The following IDE variants were observed in gnomAD, a reference collection of about 807,000 sequenced individuals.
IDE encodes the protein insulin-degrading enzyme.
Under a neutral mutation model 133.2 loss-of-function variants are expected in IDE, and 58 were observed. That is an observed-to-expected ratio of 0.44 (90% CI 0.35 to 0.54). The LOEUF is 0.54. Among genes scored for constraint, IDE ranks in the 20% least tolerant of loss-of-function variants. IDE has a pLI of 0.00. For synonymous variants in IDE, 396 were observed against 421.3 expected, an observed-to-expected ratio of 0.94 and a Z score of 0.73; for missense variants, 981 against 1,234.0, an observed-to-expected ratio of 0.79 and a Z score of 3.07.
At chr10:92,464,985 TATA>T (rs1184784815) in intron 20 of IDE, among the ~76,000 whole-genome samples, 21 of 152,216 alleles carry the variant, frequency 1.4e-4, no homozygotes, top group African/African-American at 4.8e-4. Context: ...TTTGAGCTCT[TATA>T]ATAACATTTA....
intron 8 of IDE, among the ~76,000 whole-genome samples, 179 bp from the exon 9 acceptor site, chr10:92,507,845 T>C (rs554299974): frequency 5.3e-5 from 8 of 152,120 alleles, no homozygotes; most frequent in Non-Finnish European, 1.0e-4. Context: ...CTCAGAGATA[T>C]GTGACAGAAA....
intron 2 of IDE, among the ~76,000 whole-genome samples, chr10:92,535,254 C>T (rs796341983): frequency 1.8e-4 from 28 of 152,330 alleles, no homozygotes; most frequent in African/African-American, 6.7e-4. Context: ...CAGGCGCCCA[C>T]CACCGCGCCC....
chr10:92,497,745 CT>C, intron 11 of IDE: 1 of 979,346 alleles, frequency 1.0e-6, no homozygotes, highest in Non-Finnish European at 1.2e-6. Flanking sequence ...TATCACTGAC[CT>C]ACTACAGTTA....
At chr10:92,479,620 TGTGTGTGTGCATGCGTGC>T in intron 14 of IDE, 199 bp from the exon 15 acceptor site, 1 of 525,128 alleles carries the variant, frequency 1.9e-6, no homozygotes, top group Non-Finnish European at 3.4e-6. Context: ...AGTGTGTGTG[TGTGTGTGTGCATGCGTGC>T]GTGTGTGCGT....
Position 92,534,569 on chromosome 10 carries a change from C to A in IDE, c.491+9G>T, listed in dbSNP as rs1422210231. On this transcript the variant is annotated intron_variant, in intron 3 of 24. Coordinates refer to ENST00000265986, the MANE Select transcript of IDE (RefSeq NM_004969.4). ...AAAGTTGGATAATTCATAGGGTATT[C>A]TGCATTACCTGTCTAGGGCACCTTC... The A allele has an allele frequency of 3.2e-6, 5 of 1,549,236 alleles. No individual in the cohort carries two copies. Among genetic ancestry groups the A allele is most frequent in the Non-Finnish European group, 4.5e-6 (5 of 1,122,156 alleles).
chr10:92,572,155 T>C (rs1032770556), intron 1 of IDE, among the ~76,000 whole-genome samples: 1 of 152,202 alleles, frequency 6.6e-6, no homozygotes, highest in Non-Finnish European at 1.5e-5. Flanking sequence ...AACTAGAACA[T>C]ACAAACCACT....
At chr10:92,508,290 A>G in intron 7 of IDE, 85 bp from the exon 8 acceptor site, 2 of 1,002,962 alleles carry the variant, frequency 2.0e-6, no homozygotes, top group Admixed American at 2.1e-5. Context: ...TTCATACTGT[A>G]TGTTCCTAAG....
chr10:92,526,027 A>T (rs1435042477), intron 4 of IDE, among the ~76,000 whole-genome samples: 2 of 151,802 alleles, frequency 1.3e-5, no homozygotes, highest in Non-Finnish European at 2.9e-5. Context: ...GTTGTGGTGC[A>T]AGCCTGTAAT....
At chr10:92,538,825 C>T (rs536808978) in intron 1 of IDE, among the ~76,000 whole-genome samples, 2 of 150,394 alleles carry the variant, frequency 1.3e-5, no homozygotes, top group African/African-American at 4.9e-5. Flanking sequence ...GGTTAATATA[C>T]TGCCAGTATA....
At chr10:92,484,984 A>T (rs761710729) in intron 13 of IDE, among the ~76,000 whole-genome samples, 2 of 152,082 alleles carry the variant, frequency 1.3e-5, no homozygotes, top group Non-Finnish European at 1.5e-5. Context: ...TTAGCCCAGG[A>T]GGCCAAGGCT....
At chr10:92,532,006 A>G (rs1362890293) in intron 3 of IDE, 89 bp from the exon 4 acceptor site, 1 of 943,692 alleles carries the variant, frequency 1.1e-6, no homozygotes, top group Non-Finnish European at 1.5e-6. Context: ...ATTAGATAGG[A>G]AATGTAAATT....
chr10:92,552,045 A>G lies in IDE; in HGVS notation c.99-14495T>C, dbSNP rs1842808634. On this transcript the variant is annotated intron_variant, in intron 1 of 24. Coordinates refer to ENST00000265986, the MANE Select transcript of IDE (RefSeq NM_004969.4). Reference sequence around the variant, plus strand: ...TATCACAATAATAAAACCAACCATGATGGGGGGGTGGGGTGAGAAACAATC... The same window carrying G: ...TATCACAATAATAAAACCAACCATGGTGGGGGGGTGGGGTGAGAAACAATC... Among the ~76,000 whole-genome samples, 3 of 151,892 alleles carry G rather than the reference A, an allele frequency of 2.0e-5. No individual in the cohort carries two copies. In the South Asian group the frequency reaches 6.3e-4, roughly 32 times the overall value.
rs769557547 is a variant in IDE, at chr10:92,463,909, G to A, written c.2583C>T (p.Ser861=). The A allele has an allele frequency of 1.9e-6, 3 of 1,614,142 alleles. No homozygotes were observed. Among genetic ancestry groups the A allele is most frequent in the South Asian group, 2.2e-5 (2 of 91,082 alleles). Residue 861 remains serine, a synonymous_variant, in exon 21 of 25, where the codon AGC becomes AGT. Transcript: ENST00000265986. ...TGGTAATTAAGAAAGCTTCCACTCTGCTTTCTAGGTAGTGAGGTGGCTTTT... is the reference window on the plus strand; with the variant it reads ...TGGTAATTAAGAAAGCTTCCACTCTACTTTCTAGGTAGTGAGGTGGCTTTT... ...QSEKPPHYLE[S]RVEAFLITME... is the part of the protein sequence containing the mutation.
Position 92,479,433 on chromosome 10 carries a change from T to C in IDE, c.1740-12A>G. 1 of 1,588,156 alleles carries C rather than the reference T, an allele frequency of 6.3e-7. No individual in the cohort carries two copies. The highest frequency in any genetic ancestry group is 8.6e-7 in the Non-Finnish European group (1 of 1,159,610). ...CATAAGCAAATGGGCTGGAAGAAAA[T>C]GTTGACAGTAAAATAGCTGATTTTA... On this transcript the variant is annotated splice_polypyrimidine_tract_variant and intron_variant, in intron 14 of 24. Transcript: ENST00000265986.
rs537379680 is a variant in IDE at position 92,519,609 on chromosome 10, A to G, written c.662-4567T>C. Reference sequence around the variant, plus strand: ...AGTCTCCAAATATCTCCAAGGGGTCATTTATTTCATCTGTAAAATAGGGAT... The same window carrying G: ...AGTCTCCAAATATCTCCAAGGGGTCGTTTATTTCATCTGTAAAATAGGGAT... On this transcript the variant is annotated intron_variant, in intron 4 of 24. Transcript: ENST00000265986. 3.5e-4 allele frequency among the ~76,000 whole-genome samples: 53 copies of G among 152,330 alleles called. 1 individual carries two copies. Among genetic ancestry groups the G allele is most frequent in the Admixed American group, 2.4e-3 (36 of 15,304 alleles).
chr10:92,561,548 T>C (rs569742145), intron 1 of IDE, among the ~76,000 whole-genome samples: 1 of 150,022 alleles, frequency 6.7e-6, no homozygotes, highest in South Asian at 2.1e-4. Flanking sequence ...GGTCAGGAGT[T>C]CAAGACCATC....
intron 11 of IDE, among the ~76,000 whole-genome samples, chr10:92,504,236 G>A (rs1848177197): frequency 6.6e-6 from 1 of 152,106 alleles, no homozygotes; most frequent in Non-Finnish European, 1.5e-5. Flanking sequence ...TCAGTTTTAT[G>A]GGAGGAATAT....
chr10:92,569,432 A>G (rs1157663559), intron 1 of IDE, among the ~76,000 whole-genome samples: 1 of 152,216 alleles, frequency 6.6e-6, no homozygotes, highest in Admixed American at 6.5e-5. Context: ...GTCAGTTCTA[A>G]AACCTGTTCA....
In IDE at chr10:92,461,230, TA is replaced by T. The variant is rs1845369700; in HGVS notation, c.2783del (p.Leu928Ter). 6.9e-7 allele frequency: 1 copy of T among 1,458,208 alleles called. No individual in the cohort carries two copies. Among genetic ancestry groups the T allele is most frequent in the Non-Finnish European group, 9.6e-7 (1 of 1,039,052 alleles). The allele number at this position is 1,458,208 out of a possible 1,614,324, so 90.3% of individuals were successfully genotyped here. A position where few individuals can be genotyped will look rare whatever the true frequency, so the allele number is the denominator to read the frequency against. On this transcript the variant is annotated frameshift_variant, in exon 22 of 25. Coordinates refer to ENST00000265986, the MANE Select transcript of IDE (RefSeq NM_004969.4). LOFTEE classifies it high-confidence loss of function. ...TGATATCTTCCTTGGTAAGTGTCTTTAAATATGCAACCTCAGTGTTATCTGA... is the reference window on the plus strand; with the variant it reads ...TGATATCTTCCTTGGTAAGTGTCTTTAATATGCAACCTCAGTGTTATCTGA... ...FDRDNTEVAYLKTLTKEDIIK... is the reference protein window; with the variant it reads ...FDRDNTEVAYXKTLTKEDIIK...
Sources: allele counts gnomAD v4.1 joint callset (sites outside exome capture counted in the v4.1 genomes callset), GRCh38; gene constraint gnomAD v4.1.1; transcripts MANE v1.5; gene names NCBI Gene and HGNC (gene_info 2026-07-23, HGNC 2026-07-21).